DCLK2: variants seen among roughly 807,000 people sequenced by gnomAD.
DCLK2 encodes doublecortin like kinase 2, also known as serine/threonine-protein kinase DCLK2.
DCLK2 carries 31 observed loss-of-function variants against 78.4 expected under a neutral mutation model. The observed-to-expected ratio is 0.40, with a 90% CI of 0.30 to 0.53. DCLK2 has a LOEUF of 0.53. Among genes scored for constraint, DCLK2 ranks in the 20% least tolerant of loss-of-function variants. DCLK2 has a pLI of 0.61. For synonymous variants in DCLK2, 407 were observed against 374.9 expected (o/e 1.09, Z -0.99); for missense variants, 872 against 973.7 (o/e 0.90, Z 1.39).
intron 2 of DCLK2, among the ~76,000 whole-genome samples, chr4:150,104,424 T>G (rs1185952188): frequency 2.4e-5 from 1 of 41,248 alleles, no homozygotes; most frequent in Non-Finnish European, 5.0e-5. Context: ...AAAAAAAAAA[T>G]CGAGCATCTA....
At chr4:150,177,833 A>G (rs1737201410) in intron 2 of DCLK2, among the ~76,000 whole-genome samples, 1 of 152,238 alleles carries the variant, frequency 6.6e-6, no homozygotes, top group South Asian at 2.1e-4. Context: ...CTATAATATG[A>G]GGTCTGAAAA....
At chr4:150,181,358 G>C (rs1737503343) in intron 2 of DCLK2, among the ~76,000 whole-genome samples, 1 of 152,080 alleles carries the variant, frequency 6.6e-6, no homozygotes, top group Non-Finnish European at 1.5e-5. Flanking sequence ...ACTGGGGGTA[G>C]GGAGCGGCTC....
At position 150,158,091 on chromosome 4, in the gene DCLK2, C is replaced by A. The variant is rs536545939; in HGVS notation, c.757-35047C>A. ...ACTGGGTGGCTTAAACAACATAAATCTATTTTCTCACAGTTCTGGAGATGA... is the reference window on the plus strand; with the variant it reads ...ACTGGGTGGCTTAAACAACATAAATATATTTTCTCACAGTTCTGGAGATGA... On this transcript the variant is annotated intron_variant, in intron 2 of 15. Transcript: ENST00000296550. Among the ~76,000 whole-genome samples, 26 of 152,228 alleles carry A rather than the reference C, an allele frequency of 1.7e-4. 1 individual carries two copies. In the South Asian group the frequency reaches 5.4e-3, roughly 32 times the overall value.
At chr4:150,190,122 G>A (rs1160346795) in intron 2 of DCLK2, among the ~76,000 whole-genome samples, 1 of 150,912 alleles carries the variant, frequency 6.6e-6, no homozygotes, top group East Asian at 1.9e-4. Flanking sequence ...AGCCCAGGAG[G>A]TTGTGGAGGT....
At chr4:150,253,384 A>G in intron 15 of DCLK2, 1 of 1,263,766 alleles carries the variant, frequency 7.9e-7, no homozygotes, top group African/African-American at 1.5e-5. Flanking sequence ...GGGGCCTGAG[A>G]CTTCAGTGAG....
intron 2 of DCLK2, among the ~76,000 whole-genome samples, chr4:150,133,580 C>G (rs965358907): frequency 1.3e-5 from 2 of 152,042 alleles, no homozygotes; most frequent in African/African-American, 4.8e-5. Flanking sequence ...TATAATAAAC[C>G]AAGGCAGTGT....
chr4:150,209,298 G>T (rs1740113849), intron 5 of DCLK2, among the ~76,000 whole-genome samples: 1 of 152,170 alleles, frequency 6.6e-6, no homozygotes, highest in African/African-American at 2.4e-5. Flanking sequence ...TAGGGAGGAG[G>T]CATTTCTGCA....
intron 12 of DCLK2, among the ~76,000 whole-genome samples, chr4:150,246,035 A>G (rs2126618174): frequency 7.1e-6 from 1 of 141,778 alleles, no homozygotes; most frequent in South Asian, 2.6e-4. Context: ...TACAAAGCTC[A>G]CAAACTCTAC....
chr4:150,189,619 C>A (rs189695675), intron 2 of DCLK2, among the ~76,000 whole-genome samples: 1 of 152,006 alleles, frequency 6.6e-6, no homozygotes, highest in Non-Finnish European at 1.5e-5. Flanking sequence ...TAATACATGC[C>A]GCCATATAGA....
At chr4:150,185,671 G>A (rs1008015422) in intron 2 of DCLK2, among the ~76,000 whole-genome samples, 3 of 150,230 alleles carry the variant, frequency 2.0e-5, no homozygotes, top group African/African-American at 4.9e-5. Context: ...CTGAGATAGC[G>A]TCATTGTACT....
At chr4:150,124,334 T>C (rs1176102086) in intron 2 of DCLK2, among the ~76,000 whole-genome samples, 1 of 152,172 alleles carries the variant, frequency 6.6e-6, no homozygotes. Context: ...TATTTAAAAT[T>C]TTCTTTTTTT....
chr4:150,128,150 G>T (rs1733047427), intron 2 of DCLK2, among the ~76,000 whole-genome samples: 1 of 152,150 alleles, frequency 6.6e-6, no homozygotes, highest in Admixed American at 6.5e-5. Context: ...GCATTAATGG[G>T]TAGAGGCCAG....
intron 1 of DCLK2, among the ~76,000 whole-genome samples, chr4:150,082,336 ATGTCTTGAG>A (rs1012052516): frequency 6.6e-6 from 1 of 152,180 alleles, no homozygotes; most frequent in African/African-American, 2.4e-5. Flanking sequence ...TTTTTCTGAA[ATGTCTTGAG>A]TGAAGAATAG....
chr4:150,192,428 C>T (rs909748517), intron 2 of DCLK2, among the ~76,000 whole-genome samples: 2 of 130,636 alleles, frequency 1.5e-5, no homozygotes, highest in Non-Finnish European at 3.1e-5. Context: ...TGCAGTGAGC[C>T]GAAATCGCAC....
At chr4:150,246,047 CTTT>C (rs35501963) in intron 12 of DCLK2, among the ~76,000 whole-genome samples, 15 of 143,714 alleles carry the variant, frequency 1.0e-4, no homozygotes, top group Non-Finnish European at 1.7e-4. Flanking sequence ...AAACTCTACT[CTTT>C]TTTTTTTTTT....
At chr4:150,113,755 T>C (rs28896206) in intron 2 of DCLK2, among the ~76,000 whole-genome samples, 21,635 of 151,494 alleles carry the variant, frequency 0.14, 1,932 homozygotes, top group Non-Finnish European at 0.21. Flanking sequence ...TCATTTAGTT[T>C]TGCTCTGATC....
At chr4:150,239,598 C>T (rs764003937) in intron 10 of DCLK2, 144 bp from the exon 11 acceptor site, 204 of 1,144,422 alleles carry the variant, frequency 1.8e-4, no homozygotes, top group Non-Finnish European at 2.3e-4. Context: ...GAGACCGTGT[C>T]TTCAAAAAAA....
chr4:150,157,055 C>G (rs1387623225), intron 2 of DCLK2, among the ~76,000 whole-genome samples: 3 of 151,886 alleles, frequency 2.0e-5, no homozygotes, highest in Non-Finnish European at 2.9e-5. Flanking sequence ...CAGGCTTGAA[C>G]CACTGCGCAC....
chr4:150,201,688 A>G (rs1315326372), intron 4 of DCLK2, among the ~76,000 whole-genome samples: 2 of 152,178 alleles, frequency 1.3e-5, no homozygotes, highest in Non-Finnish European at 2.9e-5. Flanking sequence ...TCCTACAATC[A>G]TTCCAAGGTA....
Sources: allele counts gnomAD v4.1 joint callset (sites outside exome capture counted in the v4.1 genomes callset), GRCh38; gene constraint gnomAD v4.1.1; transcripts MANE v1.5; gene names NCBI Gene and HGNC (gene_info 2026-07-23, HGNC 2026-07-21).